The following GRB10 variants were observed in gnomAD, a reference collection of about 807,000 sequenced individuals.
GRB10 encodes growth factor receptor-bound protein 10.
Under a neutral mutation model 80.9 loss-of-function variants are expected in GRB10, and 20 were observed. That is an observed-to-expected ratio of 0.25 (90% CI 0.17 to 0.36). GRB10 has a LOEUF of 0.36. Ranked by LOEUF, GRB10 falls within the 10% of genes least tolerant of loss-of-function variation. The pLI, the probability that GRB10 is intolerant of heterozygous loss-of-function variation, is 1.00. For missense variants in GRB10, 548 were observed against 747.7 expected, an observed-to-expected ratio of 0.73 and a Z score of 3.12; for synonymous variants, 291 against 291.5, an observed-to-expected ratio of 1.00 and a Z score of 0.02.
intron 17 of GRB10, among the ~76,000 whole-genome samples, chr7:50,600,772 A>C (rs1001973941): frequency 3.3e-5 from 5 of 152,246 alleles, no homozygotes; most frequent in African/African-American, 1.2e-4. Flanking sequence ...AACGAGGGTC[A>C]GCCTCCTTCA....
intron 16 of GRB10, 57 bp downstream of exon 16, chr7:50,604,254 G>C: frequency 2.1e-6 from 3 of 1,434,856 alleles, no homozygotes; most frequent in African/African-American, 1.4e-5. Context: ...GGAGTGGAGG[G>C]GGGTGCTGTT....
At position 50,604,322 on chromosome 7, in the gene GRB10, G is replaced by A. The variant is rs748244868; in HGVS notation, c.1445C>T (p.Thr482Ile). Residue 482 changes from threonine to isoleucine, a missense_variant, in exon 16 of 19, where the codon ACC becomes ATC. This residue lies in a region of GRB10 where 270 missense variants were observed against 433.6 expected (regional missense o/e 0.62). Transcript: ENST00000401949. The stretch of plus-strand genomic sequence containing the variant: ...TGTGCCCTGTTTACCTGTACTTAGG[G>A]TAGAAGGGTGGAGGGGACTTTGGCT... ...LGSQSPLHPS[T>I]LSTVIHRTQH... 5.6e-6 allele frequency: 9 copies of A among 1,613,064 alleles called. No individual in the cohort carries two copies. The highest frequency in any genetic ancestry group is 7.6e-6 in the Non-Finnish European group (9 of 1,179,296).
chr7:50,692,285 T>C (rs1345255644), intron 5 of GRB10, among the ~76,000 whole-genome samples: 1 of 149,118 alleles, frequency 6.7e-6, no homozygotes, highest in Non-Finnish European at 1.5e-5. Context: ...AAGGGACAAC[T>C]GTGTACACAC....
chr7:50,645,694 C>T lies in GRB10; in HGVS notation c.505-18716G>A, dbSNP rs545675164. The T allele has an allele frequency of 3.7e-6, 3 of 814,756 alleles. No individual in the cohort carries two copies. The Admixed American group carries it at 1.9e-4, about 51-fold the overall frequency. The allele number at this position is 814,756 out of a possible 1,614,324, so 50.5% of individuals were successfully genotyped here. On this transcript the variant is annotated intron_variant, in intron 7 of 18. Coordinates refer to ENST00000401949, the MANE Select transcript of GRB10 (RefSeq NM_001350814.2). The stretch of plus-strand genomic sequence containing the variant: ...TCGTATCAGACCTCTTGGGGTCTGT[C>T]CATTTGCTCCCAGACAGGCTCAGTA...
At chr7:50,718,845 A>G (rs1396992761) in intron 4 of GRB10, among the ~76,000 whole-genome samples, 2 of 152,102 alleles carry the variant, frequency 1.3e-5, no homozygotes, top group African/African-American at 4.8e-5. Flanking sequence ...TCCAATGTCT[A>G]AGCTTGTTGA....
intron 2 of GRB10, among the ~76,000 whole-genome samples, chr7:50,770,535 T>C (rs958276556): frequency 2.0e-5 from 3 of 152,214 alleles, no homozygotes; most frequent in African/African-American, 7.2e-5. Context: ...ACCTCACCCC[T>C]ATGGCAAGAC....
At chr7:50,687,398 G>A (rs1194615611) in intron 5 of GRB10, among the ~76,000 whole-genome samples, 2 of 152,184 alleles carry the variant, frequency 1.3e-5, no homozygotes, top group African/African-American at 2.4e-5. Context: ...CCTCTATGGC[G>A]AGCCTTCACA....
intron 4 of GRB10, among the ~76,000 whole-genome samples, chr7:50,722,375 G>T (rs2067900629): frequency 1.3e-5 from 2 of 152,216 alleles, no homozygotes; most frequent in Admixed American, 1.3e-4. Flanking sequence ...CCAAAGAAGT[G>T]TCAGGGCAAA....
chr7:50,745,747 T>C (rs1313498467), intron 3 of GRB10, among the ~76,000 whole-genome samples: 3 of 152,250 alleles, frequency 2.0e-5, no homozygotes, highest in Non-Finnish European at 4.4e-5. Context: ...CAATATTAGA[T>C]GGTAAACCAT....
chr7:50,703,706 AC>A, intron 5 of GRB10, 114 bp downstream of exon 5: 1 of 754,054 alleles, frequency 1.3e-6, no homozygotes, highest in Non-Finnish European at 2.4e-6. Context: ...GAAAAGAAGA[AC>A]CAATGTTAGA....
intron 7 of GRB10, among the ~76,000 whole-genome samples, chr7:50,662,854 C>A (rs1356196227): frequency 1.3e-5 from 2 of 152,234 alleles, no homozygotes; most frequent in African/African-American, 4.8e-5. Context: ...TCTGAAGCCT[C>A]TTCCTTGTCC....
At chr7:50,645,671 G>A (rs913686723) in intron 7 of GRB10, 75 of 975,394 alleles carry the variant, frequency 7.7e-5, no homozygotes, top group Non-Finnish European at 8.3e-5. Context: ...AAACGCCGTC[G>A]TATCAGACCT....
At chr7:50,637,952 A>G (rs1218697057) in intron 7 of GRB10, among the ~76,000 whole-genome samples, 10 of 152,236 alleles carry the variant, frequency 6.6e-5, no homozygotes, top group Admixed American at 5.9e-4. Context: ...ACAATGGCAA[A>G]AAGACATGCT....
intron 2 of GRB10, among the ~76,000 whole-genome samples, chr7:50,768,759 G>T (rs1216394987): frequency 6.6e-6 from 1 of 152,212 alleles, no homozygotes; most frequent in East Asian, 1.9e-4. Context: ...AAAGCTGCAT[G>T]CAAGGATTCT....
At chr7:50,686,805 C>T (rs2062154174) in intron 5 of GRB10, among the ~76,000 whole-genome samples, 1 of 152,192 alleles carries the variant, frequency 6.6e-6, no homozygotes, top group African/African-American at 2.4e-5. Flanking sequence ...AACTGAGGCA[C>T]CCAAAAACTT....
At chr7:50,670,162 C>T (rs2153636889) in intron 6 of GRB10, among the ~76,000 whole-genome samples, 1 of 152,290 alleles carries the variant, frequency 6.6e-6, no homozygotes, top group East Asian at 1.9e-4. Flanking sequence ...AGACATTATG[C>T]AGAGTCAAAC....
intron 7 of GRB10, among the ~76,000 whole-genome samples, chr7:50,633,620 G>C (rs1336130396): frequency 6.6e-6 from 1 of 152,072 alleles, no homozygotes; most frequent in Non-Finnish European, 1.5e-5. Flanking sequence ...AGCTCAATGA[G>C]AGCCAAGAGA....
At chr7:50,762,583 A>G (rs904473298) in intron 2 of GRB10, among the ~76,000 whole-genome samples, 1 of 152,210 alleles carries the variant, frequency 6.6e-6, no homozygotes, top group African/African-American at 2.4e-5. Context: ...CACATAAATT[A>G]AAAATAAGAT....
Position 50,592,859 on chromosome 7 carries a change from G to A in GRB10, c.*93C>T. ...CCCATCTCGCTCTGGGTCCCCAGGTGCAGAATCGATGTGTGTTCTTCACCA... is the reference window on the plus strand; with the variant it reads ...CCCATCTCGCTCTGGGTCCCCAGGTACAGAATCGATGTGTGTTCTTCACCA... On this transcript the variant is annotated 3_prime_UTR_variant, in exon 19 of 19. Transcript: ENST00000401949. 4.2e-6 allele frequency: 6 copies of A among 1,412,020 alleles called. No homozygotes were observed. Among genetic ancestry groups the A allele is most frequent in the Non-Finnish European group, 6.0e-6 (6 of 999,688 alleles). 87.5% of individuals were successfully genotyped at this position (1,412,020 alleles called of 1,614,324 possible).
Sources: gnomAD v4.1 joint callset for allele counts (sites outside exome capture counted in the v4.1 genomes callset) on GRCh38, gnomAD v4.1.1 for gene constraint, gnomAD v4.1.1 regional missense constraint, MANE v1.5 for transcripts, NCBI Gene and HGNC (gene_info 2026-07-23, HGNC 2026-07-21) for gene names.